The following FIS1 variants were observed in gnomAD, a reference collection of about 807,000 sequenced individuals.
FIS1 encodes the protein mitochondrial fission 1 protein.
In FIS1, 16 loss-of-function variants were observed where a neutral mutation model predicts 21.6. That is an observed-to-expected ratio of 0.74 (90% confidence interval 0.50 to 1.12). The LOEUF (loss-of-function observed/expected upper bound fraction) is 1.12, where lower values mean the gene tolerates loss of function less well. Among genes scored for constraint, FIS1 ranks in the 50% most tolerant of loss-of-function variants. The probability of loss-of-function intolerance (pLI) is 0.00; values close to 1 mark genes in which losing one functional copy is unlikely to be tolerated. For synonymous variants in FIS1, 92 were observed against 82.2 expected, an observed-to-expected ratio of 1.12 and a Z score of -0.65; for missense variants, 198 against 190.9, an observed-to-expected ratio of 1.04 and a Z score of -0.22.
rs2410798 is a variant in FIS1, at chr7:101,245,041, T to C, written c.-37A>G. 9.8e-4 allele frequency: 1,585 copies of C among 1,611,248 alleles called. 12 individuals are homozygous for C. The African/African-American group carries it at 0.018, about 18-fold the overall frequency. On this transcript the variant is annotated 5_prime_UTR_variant, in exon 1 of 5. Transcript: ENST00000223136. ...CCGCGAGCCTCACACTACAGTCTAC[T>C]GTGCCACAGTCTCCATGGCCCAGTG...
chr7:101,240,660 C>T (rs1288549360), intron 3 of FIS1, among the ~76,000 whole-genome samples, 170 bp downstream of exon 3: 1 of 152,242 alleles, frequency 6.6e-6, no homozygotes, highest in Non-Finnish European at 1.5e-5. Context: ...CGTCACCTTC[C>T]TCCCCACCCC....
At position 101,239,899 on chromosome 7, in the gene FIS1, TC is replaced by T. The variant is rs1798713848; in HGVS notation, c.365del (p.Gly122AspfsTer86). On this transcript the variant is annotated frameshift_variant, in exon 5 of 5. Transcript: ENST00000223136. LOFTEE classifies it high-confidence loss of function. ...CTCCCACGATGGCCATGCCCACGAG[TC>T]CATCTGGGGAAGGAAAGGGACAGTG... Reference protein sequence around the residue: ...RLIDKAMKKDGLVGMAIVGGM... With the variant: ...RLIDKAMKKDXLVGMAIVGGM... 1 of 1,603,240 alleles carries T rather than the reference TC, an allele frequency of 6.2e-7. No homozygotes were observed. The highest frequency in any genetic ancestry group is 8.5e-7 in the Non-Finnish European group (1 of 1,174,860).
chr7:101,244,733 G>T (rs1020451012), intron 1 of FIS1: 2 of 584,758 alleles, frequency 3.4e-6, no homozygotes, highest in Non-Finnish European at 6.1e-6. Context: ...TCGGGCTCCA[G>T]GCCCGTAGTC....
At position 101,244,063 on chromosome 7, in the gene FIS1, C is replaced by G. The variant is rs769113129; in HGVS notation, c.122G>C (p.Cys41Ser). The G allele has an allele frequency of 5.0e-6, 8 of 1,614,066 alleles. No homozygotes were observed. The East Asian group carries it at 1.8e-4, about 36-fold the overall frequency. ...SKSTQFEYAW[C>S]LVRSKYNDDI... The stretch of plus-strand genomic sequence containing the variant: ...ATCATTGTACTTGCTCCGCACCAGG[C>G]ACCAGGCGTACTCAAACTGCGTGCT... The change falls in exon 2 of 5, where the codon TGC (cysteine) becomes TCC (serine). Residue 41 changes from cysteine (C) to serine (S), a missense_variant. Transcript: ENST00000223136.
chr7:101,240,190 TG>T lies in FIS1; in HGVS notation c.312del (p.Asn104LysfsTer15), dbSNP rs1798723042. ...VRGLLQTEPQ[N>X]NQAKELERLI... ...AGCCGCTCCAGTTCCTTGGCCTGGT[TG>T]TTCTGGGGCTCTGTCTGCAGCAACC... On this transcript the variant is annotated frameshift_variant, in exon 4 of 5. Coordinates refer to ENST00000223136, the MANE Select transcript of FIS1 (RefSeq NM_016068.3). LOFTEE classifies it high-confidence loss of function. 6.2e-7 allele frequency: 1 copy of T among 1,614,100 alleles called. No individual in the cohort carries two copies. Among genetic ancestry groups the T allele is most frequent in the South Asian group, 1.1e-5 (1 of 91,090 alleles).
intron 3 of FIS1, among the ~76,000 whole-genome samples, chr7:101,240,546 C>T (rs1433928966): frequency 6.6e-6 from 1 of 152,228 alleles, no homozygotes; most frequent in East Asian, 1.9e-4. Context: ...CGACCTCCAC[C>T]CACTCCCTCC....
At chr7:101,241,997 G>A (rs2116849528) in intron 2 of FIS1, among the ~76,000 whole-genome samples, 1 of 152,044 alleles carries the variant, frequency 6.6e-6, no homozygotes, top group African/African-American at 2.4e-5. Context: ...CTGGAGCACA[G>A]TAGCATGTCC....
intron 1 of FIS1, 118 bp downstream of exon 1, chr7:101,244,842 C>T (rs370256988): frequency 1.1e-5 from 14 of 1,274,550 alleles, no homozygotes; most frequent in African/African-American, 1.5e-5. Flanking sequence ...CTGCCGGGAG[C>T]CGTAGTTCGG....
At chr7:101,239,955 A>G (rs754628074) in intron 4 of FIS1, 52 bp from the exon 5 acceptor site, 2 of 1,518,296 alleles carry the variant, frequency 1.3e-6, no homozygotes, top group East Asian at 4.8e-5. Flanking sequence ...GGAAACCCTG[A>G]CCGTCCCCTT....
At chr7:101,239,991 GCACAC>G in intron 4 of FIS1, 88 bp from the exon 5 acceptor site, 1 of 1,430,776 alleles carries the variant, frequency 7.0e-7, no homozygotes, top group Non-Finnish European at 9.6e-7. Context: ...CTCAACAGAG[GCACAC>G]CCCTACCTGG....
chr7:101,243,646 G>C (rs570627867), intron 2 of FIS1, among the ~76,000 whole-genome samples: 4 of 152,178 alleles, frequency 2.6e-5, no homozygotes, highest in African/African-American at 9.7e-5. Context: ...CCTCTTCCAT[G>C]CCACAAAAGA....
In FIS1 at chr7:101,240,884, C is replaced by G. The variant is rs1584271121; in HGVS notation, c.201G>C (p.Lys67Asn). Residue 67 changes from lysine (K) to asparagine (N), a missense_variant, in exon 3 of 5, where the codon AAG becomes AAC. By Grantham distance (94) the Lys-to-Asn change is moderately conservative. Coordinates refer to ENST00000223136, the MANE Select transcript of FIS1 (RefSeq NM_016068.3). ...LLEELLPKGSKEEQRDYVFYL... is the reference protein window; with the variant it reads ...LLEELLPKGSNEEQRDYVFYL... ...AGAAGACGTAATCCCGCTGTTCCTC[C>G]TTGCTCCCTTTGGGCAGCAGCTCTG... The G allele has an allele frequency of 6.2e-7, 1 of 1,614,178 alleles. No homozygotes were observed.
intron 1 of FIS1, 106 bp from the exon 2 acceptor site, chr7:101,244,245 G>T: frequency 7.2e-7 from 1 of 1,390,088 alleles, no homozygotes; most frequent in East Asian, 2.6e-5. Context: ...GCAGGTCTCG[G>T]TATCTGGCAC....
chr7:101,243,844 T>C (rs954700398), intron 2 of FIS1, among the ~76,000 whole-genome samples, 163 bp downstream of exon 2: 1 of 152,136 alleles, frequency 6.6e-6, no homozygotes, highest in Non-Finnish European at 1.5e-5. Flanking sequence ...GGCAAAACAA[T>C]GGTGGGCGGT....
In FIS1 at chr7:101,239,866, G is replaced by C. The variant is rs757763166; in HGVS notation, c.399C>G (p.Ala133=). The C allele has an allele frequency of 2.8e-5, 45 of 1,609,490 alleles. No individual in the cohort carries two copies. The Middle Eastern group carries it at 1.2e-3, about 41-fold the overall frequency. Residue 133 remains alanine (A), a synonymous_variant, in exon 5 of 5, where the codon GCC becomes GCG. Coordinates refer to ENST00000223136, the MANE Select transcript of FIS1 (RefSeq NM_016068.3). ...LVGMAIVGGM[A]LGVAGLAGLI... ...GTCCGGCCAGTCCCGCCACACCCAG[G>C]GCCATGCCTCCCACGATGGCCATGC...
chr7:101,240,765 G>A, intron 3 of FIS1, 65 bp downstream of exon 3: 1 of 1,508,036 alleles, frequency 6.6e-7, no homozygotes, highest in Non-Finnish European at 9.2e-7. Context: ...CTCCACCCTG[G>A]AGGACACAGT....
At position 101,239,749 on chromosome 7, in the gene FIS1, G is replaced by GACAGGGAAAGGACAGGGAAAGT; in HGVS notation, c.*56_*57insACTTTCCCTGTCCTTTCCCTGT. ...GGGGGCAGGGGGAGAACAGGGAAAG[G>GACAGGGAAAGGACAGGGAAAGT]ACAGCGAGGATGGACAGGCCCTCCT... On this transcript the variant is annotated 3_prime_UTR_variant, in exon 5 of 5. Transcript: ENST00000223136. The GACAGGGAAAGGACAGGGAAAGT allele has an allele frequency of 7.1e-7, 1 of 1,416,490 alleles. No individual in the cohort carries two copies. The highest frequency in any genetic ancestry group is 9.8e-7 in the Non-Finnish European group (1 of 1,022,526). The allele number at this position is 1,416,490 out of a possible 1,614,324, so 87.7% of individuals were successfully genotyped here.
Position 101,240,210 on chromosome 7 carries a change from A to T in FIS1, c.293T>A (p.Leu98Gln). 2 of 1,614,226 alleles carry T rather than the reference A, an allele frequency of 1.2e-6. No homozygotes were observed. Among genetic ancestry groups the T allele is most frequent in the East Asian group, 2.2e-5 (1 of 44,884 alleles). ...EKALKYVRGL[L>Q]QTEPQNNQAK... ...CTGGTTGTTCTGGGGCTCTGTCTGC[A>T]GCAACCCGCGGACGTACTTTAAGGC... The change falls in exon 4 of 5, where the codon CTG becomes CAG. Residue 98 changes from leucine to glutamine, a missense_variant. Coordinates refer to ENST00000223136, the MANE Select transcript of FIS1 (RefSeq NM_016068.3).
At chr7:101,244,783 C>G (rs760507914) in intron 1 of FIS1, 177 bp downstream of exon 1, 1 of 699,052 alleles carries the variant, frequency 1.4e-6, no homozygotes, top group South Asian at 1.8e-5. Context: ...CTCCCAGGAG[C>G]CTCTGCGGCA....
Sources: gnomAD v4.1 joint callset for allele counts (sites outside exome capture counted in the v4.1 genomes callset) on GRCh38, gnomAD v4.1.1 for gene constraint, MANE v1.5 for transcripts, NCBI Gene and HGNC (gene_info 2026-07-23, HGNC 2026-07-21) for gene names.